CHST3: variants seen among roughly 807,000 people sequenced by gnomAD.
CHST3 encodes the protein C6ST-1.
CHST3 carries 20 observed loss-of-function variants against 35.4 expected under a neutral mutation model. That is an observed-to-expected ratio of 0.57 (90% CI 0.40 to 0.82). The LOEUF is 0.82. Ranked by LOEUF, CHST3 falls within the 40% of genes least tolerant of loss-of-function variation. The pLI is 0.00. For synonymous variants in CHST3, 334 were observed against 295.9 expected (o/e 1.13, Z -1.32); for missense variants, 693 against 670.1 (o/e 1.03, Z -0.38).
At chr10:71,964,729 C>G (rs1321113866) in intron 1 of CHST3, 35 bp downstream of exon 1, 1 of 152,132 alleles carries the variant, frequency 6.6e-6, no homozygotes, top group African/African-American at 2.4e-5. Flanking sequence ...AACCGCCGCC[C>G]AGCCCGGGGG....
intron 1 of CHST3, among the ~76,000 whole-genome samples, chr10:71,991,859 G>A (rs1057256689): frequency 4.6e-5 from 7 of 151,934 alleles, no homozygotes; most frequent in Admixed American, 6.6e-5. Context: ...GCTGGAACCC[G>A]GGCGGCAGAG....
At chr10:71,971,869 C>G (rs2131738246) in intron 1 of CHST3, among the ~76,000 whole-genome samples, 1 of 152,294 alleles carries the variant, frequency 6.6e-6, no homozygotes, top group Middle Eastern at 3.4e-3. Flanking sequence ...AATCTAGAAC[C>G]TGCCAGTCAC....
rs1452412369 is a variant in CHST3, at chr10:72,008,477, C to G, written c.*6C>G. 2 of 1,522,870 alleles carry G rather than the reference C, an allele frequency of 1.3e-6. No individual in the cohort carries two copies. The highest frequency in any genetic ancestry group is 2.4e-5 in the East Asian group (1 of 41,438). The allele number at this position is 1,522,870 out of a possible 1,614,324, so 94.3% of individuals were successfully genotyped here. Reference sequence around the variant, plus strand: ...GCACCTTCTGGGTCACGTAGGGGGGCCGGGGCCCCGTATGCCCCTCCTCGT... The same window carrying G: ...GCACCTTCTGGGTCACGTAGGGGGGGCGGGGCCCCGTATGCCCCTCCTCGT... On this transcript the variant is annotated 3_prime_UTR_variant, in exon 3 of 3. Coordinates refer to ENST00000373115, the MANE Select transcript of CHST3 (RefSeq NM_004273.5).
At chr10:71,999,387 CA>C (rs1180498613) in intron 1 of CHST3, among the ~76,000 whole-genome samples, 2 of 152,236 alleles carry the variant, frequency 1.3e-5, no homozygotes, top group Admixed American at 6.5e-5. Context: ...AGCTTTCCCG[CA>C]GTGGGTTTCA....
chr10:71,975,175 T>C (rs1839733290), intron 1 of CHST3, among the ~76,000 whole-genome samples: 1 of 152,300 alleles, frequency 6.6e-6, no homozygotes, highest in African/African-American at 2.4e-5. Context: ...CAGAATACAG[T>C]TGAGTGTCTG....
Position 72,005,832 on chromosome 10 carries a change from C to T in CHST3, c.-11C>T, listed in dbSNP as rs1840032944. On this transcript the variant is annotated 5_prime_UTR_variant, in exon 2 of 3. Transcript: ENST00000373115. ...CTGGCCCGAGGAGCCCCCACGGCCC[C>T]ACCTTTCCCCATGGAGAAAGGACTC... The T allele has an allele frequency of 6.2e-7, 1 of 1,614,226 alleles. No homozygotes were observed. Among genetic ancestry groups the T allele is most frequent in the South Asian group, 1.1e-5 (1 of 91,084 alleles).
In CHST3 at chr10:72,007,449, AC is replaced by A; in HGVS notation, c.420del (p.Thr141ArgfsTer75). 1 of 1,603,250 alleles carries A rather than the reference AC, an allele frequency of 6.2e-7. No homozygotes were observed. The highest frequency in any genetic ancestry group is 8.5e-7 in the Non-Finnish European group (1 of 1,179,638). ...GPRRHVLLMA[T>X]TRTGSSFVGE... Reference sequence around the variant, plus strand: ...CCGGCGCCACGTGCTGCTCATGGCCACCACGCGCACCGGCTCCTCGTTCGTG... The same window carrying A: ...CCGGCGCCACGTGCTGCTCATGGCCACACGCGCACCGGCTCCTCGTTCGTG... On this transcript the variant is annotated frameshift_variant, in exon 3 of 3. Coordinates refer to ENST00000373115, the MANE Select transcript of CHST3 (RefSeq NM_004273.5). LOFTEE classifies it high-confidence loss of function.
chr10:71,968,314 T>G (rs1839652953), intron 1 of CHST3, among the ~76,000 whole-genome samples: 2 of 152,246 alleles, frequency 1.3e-5, no homozygotes, highest in African/African-American at 4.8e-5. Context: ...GTTTGTGTCC[T>G]TTGCCCACTT....
chr10:71,970,004 C>A (rs768191391), intron 1 of CHST3, among the ~76,000 whole-genome samples: 2 of 152,224 alleles, frequency 1.3e-5, no homozygotes, highest in Admixed American at 6.5e-5. Context: ...AAAGAGATGA[C>A]AGAATGCTGC....
intron 1 of CHST3, among the ~76,000 whole-genome samples, chr10:71,971,314 T>G (rs977589403): frequency 6.6e-6 from 1 of 152,246 alleles, no homozygotes; most frequent in Non-Finnish European, 1.5e-5. Context: ...GGGTGAGTCC[T>G]GCGCTCCGCA....
intron 1 of CHST3, among the ~76,000 whole-genome samples, chr10:71,970,331 A>T (rs748718555): frequency 2.0e-5 from 3 of 152,154 alleles, no homozygotes; most frequent in Non-Finnish European, 2.9e-5. Context: ...TTTATCACTG[A>T]GGTTTCAGAG....
Position 72,007,486 on chromosome 10 carries a change from T to C in CHST3, c.455T>C (p.Phe152Ser). 1 of 1,602,336 alleles carries C rather than the reference T, an allele frequency of 6.2e-7. No homozygotes were observed. Among genetic ancestry groups the C allele is most frequent in the Non-Finnish European group, 8.5e-7 (1 of 1,179,770 alleles). Reference protein sequence around the residue: ...RTGSSFVGEFFNQQGNIFYLF... With the variant: ...RTGSSFVGEFSNQQGNIFYLF... ...GGCTCCTCGTTCGTGGGCGAGTTCT[T>C]CAACCAGCAGGGCAACATCTTCTAC... Residue 152 changes from phenylalanine (F) to serine (S), a missense_variant, in exon 3 of 3, where the codon TTC becomes TCC. By Grantham distance (155) the Phe-to-Ser change is radical. Transcript: ENST00000373115.
chr10:71,968,428 C>G lies in CHST3; in HGVS notation c.-108+3734C>G, dbSNP rs186056460. Among the ~76,000 whole-genome samples the G allele has an allele frequency of 1.5e-3, 233 of 152,230 alleles. 2 individuals are homozygous for G. Among genetic ancestry groups the G allele is most frequent in the African/African-American group, 5.0e-3 (206 of 41,526 alleles). On this transcript the variant is annotated intron_variant, in intron 1 of 2. Transcript: ENST00000373115. ...TAGTTTGCAAATATTTTCTCCTGTT[C>G]TGTAGGTTGTCTGTTTACTCTGTTG...
At chr10:71,969,214 C>G (rs1031418251) in intron 1 of CHST3, among the ~76,000 whole-genome samples, 8 of 152,214 alleles carry the variant, frequency 5.3e-5, no homozygotes, top group Non-Finnish European at 1.2e-4. Context: ...CCAGCTCTTG[C>G]TTTTACATCC....
intron 1 of CHST3, among the ~76,000 whole-genome samples, chr10:71,983,181 A>G (rs562262929): frequency 1.0e-3 from 153 of 152,348 alleles, no homozygotes; most frequent in African/African-American, 3.5e-3. Flanking sequence ...CCCACAGGGC[A>G]CTGTCTGGTC....
Position 71,964,445 on chromosome 10 carries a change from A to AG in CHST3, c.-355dup. 1 of 152,124 alleles carries AG rather than the reference A, an allele frequency of 6.6e-6. No homozygotes were observed. Among genetic ancestry groups the AG allele is most frequent in the African/African-American group, 2.4e-5 (1 of 41,406 alleles). The allele number at this position is 152,124 out of a possible 1,614,324, so 9.4% of individuals were successfully genotyped here. A position where few individuals can be genotyped will look rare whatever the true frequency, so the allele number is the denominator to read the frequency against. On this transcript the variant is annotated 5_prime_UTR_variant, in exon 1 of 3. Coordinates refer to ENST00000373115, the MANE Select transcript of CHST3 (RefSeq NM_004273.5). ...GAGGGCGCCAGGCAGGACCTCTCGC[A>AG]GGCTCGCTGCGCAGGACGGCGCCCG...
At chr10:71,971,925 G>A (rs914211285) in intron 1 of CHST3, among the ~76,000 whole-genome samples, 6 of 152,118 alleles carry the variant, frequency 3.9e-5, no homozygotes, top group Admixed American at 1.3e-4. Flanking sequence ...CTGTGACCTC[G>A]CAGGTCACCC....
At chr10:72,006,482 C>T (rs149310134) in intron 2 of CHST3, among the ~76,000 whole-genome samples, 58 of 152,184 alleles carry the variant, frequency 3.8e-4, no homozygotes, top group African/African-American at 1.2e-3. Context: ...AAGGCAAGGT[C>T]CTAGTATGGA....
chr10:71,984,313 A>G (rs12266892), intron 1 of CHST3, among the ~76,000 whole-genome samples: 9,179 of 152,294 alleles, frequency 0.06, 854 homozygotes, highest in African/African-American at 0.2. Context: ...GTGAGCCACC[A>G]TGCTCGGCTG....
Sources: gnomAD v4.1 joint callset for allele counts (sites outside exome capture counted in the v4.1 genomes callset) on GRCh38, gnomAD v4.1.1 for gene constraint, MANE v1.5 for transcripts, NCBI Gene and HGNC (gene_info 2026-07-23, HGNC 2026-07-21) for gene names.